Variants in SMPD3 observed in about 807,000 individuals in gnomAD.
The protein encoded by SMPD3 is nSMase-2.
In SMPD3, 21 loss-of-function variants were observed where a neutral mutation model predicts 55.7. The ratio of observed to expected loss-of-function variants is 0.38; its 90% CI spans 0.27 to 0.54. The LOEUF is 0.54. Ranked by LOEUF, SMPD3 falls within the 20% of genes least tolerant of loss-of-function variation. SMPD3 has a pLI of 0.80. For missense variants in SMPD3, 842 were observed against 899.6 expected, an observed-to-expected ratio of 0.94 and a Z score of 0.82; for synonymous variants, 457 against 404.3, an observed-to-expected ratio of 1.13 and a Z score of -1.56.
rs1265439504 is a variant in SMPD3, at chr16:68,358,743, CAG to C, written c.*2461_*2462del. 1.3e-5 allele frequency: 2 copies of C among 152,516 alleles called. No homozygotes were observed. The highest frequency in any genetic ancestry group is 4.8e-5 in the African/African-American group (2 of 41,466). 9.4% of individuals were successfully genotyped at this position (152,516 alleles called of 1,614,324 possible). A position where few individuals can be genotyped will look rare whatever the true frequency, so the allele number is the denominator to read the frequency against. On this transcript the variant is annotated 3_prime_UTR_variant, in exon 9 of 9. Coordinates refer to ENST00000219334, the MANE Select transcript of SMPD3 (RefSeq NM_018667.4). ...TTTGAGACTGGGCCTAGGGCAGGAACAGAGTCTTGGTATGGGCCTCGGGTGAC... is the reference window on the plus strand; with the variant it reads ...TTTGAGACTGGGCCTAGGGCAGGAACAGTCTTGGTATGGGCCTCGGGTGAC...
intron 1 of SMPD3, among the ~76,000 whole-genome samples, chr16:68,413,482 A>G (rs1288300339): frequency 1.1e-4 from 16 of 152,188 alleles, no homozygotes; most frequent in Admixed American, 1.0e-3. Context: ...GCCTTTGATG[A>G]TGAGAGGCTC....
At chr16:68,395,970 C>T (rs1045023609) in intron 1 of SMPD3, among the ~76,000 whole-genome samples, 2 of 152,224 alleles carry the variant, frequency 1.3e-5, no homozygotes, top group Non-Finnish European at 2.9e-5. Context: ...GGTGCCTCAA[C>T]TCAGTGTGCC....
At chr16:68,421,628 C>G (rs1472792015) in intron 1 of SMPD3, among the ~76,000 whole-genome samples, 1 of 152,262 alleles carries the variant, frequency 6.6e-6, no homozygotes, top group Non-Finnish European at 1.5e-5. Context: ...ACTCTACCAC[C>G]TCCCAGACAC....
In SMPD3 at chr16:68,446,250, A is replaced by C. The variant is rs991533756; in HGVS notation, c.-269+2103T>G. On this transcript the variant is annotated intron_variant, in intron 1 of 8. Coordinates refer to ENST00000219334, the MANE Select transcript of SMPD3 (RefSeq NM_018667.4). ...GCACTGGTGAGTATGTCAGGGTCAGACCTGAGACCTCAGAAGGGCTGAAGA... is the reference window on the plus strand; with the variant it reads ...GCACTGGTGAGTATGTCAGGGTCAGCCCTGAGACCTCAGAAGGGCTGAAGA... Among the ~76,000 whole-genome samples the C allele has an allele frequency of 2.6e-5, 4 of 152,276 alleles. 1 individual carries two copies. Among genetic ancestry groups the C allele is most frequent in the Admixed American group, 2.6e-4 (4 of 15,308 alleles).
Position 68,363,501 on chromosome 16 carries a change from C to T in SMPD3, c.1704G>A (p.Leu568=), listed in dbSNP as rs1257116202. 1.2e-6 allele frequency: 2 copies of T among 1,614,078 alleles called. No individual in the cohort carries two copies. Among genetic ancestry groups the T allele is most frequent in the East Asian group, 4.5e-5 (2 of 44,890 alleles). The change falls in exon 7 of 9, where the codon CTG becomes CTA. Residue 568 remains leucine, a synonymous_variant. Coordinates refer to ENST00000219334, the MANE Select transcript of SMPD3 (RefSeq NM_018667.4). ...CCTGGGAGCGCAGTGCTTACTTCTG[C>T]AGGTTGTCGGGGGTGCACACATCCT... ...YDEDVCTPDN[L]QKVLESEEGR...
At chr16:68,445,226 TTAA>T (rs1246138896) in intron 1 of SMPD3, among the ~76,000 whole-genome samples, 5 of 152,208 alleles carry the variant, frequency 3.3e-5, no homozygotes, top group Non-Finnish European at 7.3e-5. Flanking sequence ...ATTGACTAAT[TTAA>T]TAATGACAGA....
chr16:68,358,967 T>TA lies in SMPD3; in HGVS notation c.*2238_*2239insT. The TA allele has an allele frequency of 6.5e-6, 1 of 152,678 alleles. No homozygotes were observed. Among genetic ancestry groups the TA allele is most frequent in the East Asian group, 1.9e-4 (1 of 5,246 alleles). The allele number at this position is 152,678 out of a possible 1,614,324, so 9.5% of individuals were successfully genotyped here. A position where few individuals can be genotyped will look rare whatever the true frequency, so the allele number is the denominator to read the frequency against. On this transcript the variant is annotated 3_prime_UTR_variant, in exon 9 of 9. Coordinates refer to ENST00000219334, the MANE Select transcript of SMPD3 (RefSeq NM_018667.4). ...TGTGCGGGGGCCTGGGGGCCGCACA[T>TA]CCTTACTCTGGACCCCAGGACCTGA... is the stretch of plus-strand genomic sequence containing the variant.
At chr16:68,445,281 G>C (rs1055017922) in intron 1 of SMPD3, among the ~76,000 whole-genome samples, 3 of 152,184 alleles carry the variant, frequency 2.0e-5, no homozygotes, top group Non-Finnish European at 4.4e-5. Flanking sequence ...GGAGAAAAGA[G>C]TAGTAGAGGT....
intron 1 of SMPD3, among the ~76,000 whole-genome samples, chr16:68,407,532 G>T (rs1255798981): frequency 6.6e-6 from 1 of 151,898 alleles, no homozygotes; most frequent in Non-Finnish European, 1.5e-5. Flanking sequence ...TGGAGTCTTT[G>T]CTATGTTGGC....
rs904473506 is a variant in SMPD3, at chr16:68,447,890, G to A, written c.-269+463C>T. Among the ~76,000 whole-genome samples the A allele has an allele frequency of 5.3e-5, 8 of 152,044 alleles. No individual in the cohort carries two copies. Among genetic ancestry groups the A allele is most frequent in the Non-Finnish European group, 8.8e-5 (6 of 67,998 alleles). On this transcript the variant is annotated intron_variant, in intron 1 of 8. Coordinates refer to ENST00000219334, the MANE Select transcript of SMPD3 (RefSeq NM_018667.4). This position sits in a 1 kb window ranked among gnomAD's most constrained non-coding sequence, Gnocchi z 5.1. Reference sequence around the variant, plus strand: ...AGCAGCCCTTCCTGAATACCCCTGGGAGGGTCTGGGCTAGGGGAGCGGTCC... The same window carrying A: ...AGCAGCCCTTCCTGAATACCCCTGGAAGGGTCTGGGCTAGGGGAGCGGTCC...
intron 1 of SMPD3, among the ~76,000 whole-genome samples, chr16:68,419,631 A>C (rs567863512): frequency 2.0e-5 from 3 of 152,330 alleles, no homozygotes; most frequent in African/African-American, 7.2e-5. Flanking sequence ...CTATCTTGAC[A>C]ACAATAACTT....
chr16:68,382,536 C>T (rs927592928), intron 2 of SMPD3, among the ~76,000 whole-genome samples: 15 of 152,134 alleles, frequency 9.9e-5, no homozygotes, highest in Non-Finnish European at 2.1e-4. Context: ...GGTGGGGTGT[C>T]CCCGAGGGAG....
chr16:68,411,570 T>C (rs79798824), intron 1 of SMPD3, among the ~76,000 whole-genome samples: 2,480 of 152,288 alleles, frequency 0.016, 32 homozygotes, highest in Non-Finnish European at 0.026. Flanking sequence ...CCAGCAGGGC[T>C]GCCCACAGGA....
At chr16:68,375,259 T>C (rs1030114300) in intron 2 of SMPD3, among the ~76,000 whole-genome samples, 1 of 142,476 alleles carries the variant, frequency 7.0e-6, no homozygotes, top group Non-Finnish European at 1.5e-5. Context: ...TCCCAGTCTG[T>C]ATCTAGGGGC....
intron 1 of SMPD3, among the ~76,000 whole-genome samples, chr16:68,422,859 G>A (rs2090406540): frequency 2.0e-5 from 3 of 152,174 alleles, no homozygotes. Flanking sequence ...TTAATGTGAG[G>A]ATCTCTGAGG....
At chr16:68,439,363 G>T (rs940678235) in intron 1 of SMPD3, among the ~76,000 whole-genome samples, 1 of 152,182 alleles carries the variant, frequency 6.6e-6, no homozygotes, top group Non-Finnish European at 1.5e-5. Context: ...TCCTCCTGGG[G>T]AAGGGTTCTC....
chr16:68,424,271 C>G (rs1415261509), intron 1 of SMPD3, among the ~76,000 whole-genome samples: 1 of 151,924 alleles, frequency 6.6e-6, no homozygotes, highest in Non-Finnish European at 1.5e-5. Flanking sequence ...CATCTTGAAG[C>G]TTTGAATCCT....
chr16:68,425,008 G>A (rs2090424808), intron 1 of SMPD3, among the ~76,000 whole-genome samples: 1 of 152,154 alleles, frequency 6.6e-6, no homozygotes, highest in African/African-American at 2.4e-5. Flanking sequence ...CACTGCGCCT[G>A]GCTATATTAT....
At chr16:68,432,843 C>T (rs1056967964) in intron 1 of SMPD3, among the ~76,000 whole-genome samples, 1 of 152,128 alleles carries the variant, frequency 6.6e-6, no homozygotes, top group African/African-American at 2.4e-5. Flanking sequence ...GAGACAGGGT[C>T]AGCCAGGCTG....
Sources: gnomAD v4.1 joint callset for allele counts (sites outside exome capture counted in the v4.1 genomes callset) on GRCh38, gnomAD v4.1.1 for gene constraint, Gnocchi (gnomAD v3.1) non-coding constraint, MANE v1.5 for transcripts, NCBI Gene and HGNC (gene_info 2026-07-23, HGNC 2026-07-21) for gene names.